Variants in GSTA2 observed in about 807,000 individuals in gnomAD.
GSTA2 encodes glutathione S-transferase A2.
GSTA2 carries 27 observed loss-of-function variants against 22.4 expected under a neutral mutation model. The observed-to-expected ratio is 1.21, with a 90% CI of 0.89 to 1.67. The LOEUF (loss-of-function observed/expected upper bound fraction) is 1.67. GSTA2 is among the 40% of genes most tolerant of loss of function. GSTA2 has a pLI of 0.00. For synonymous variants in GSTA2, 121 were observed against 86.8 expected (o/e 1.39, Z -2.19); for missense variants, 302 against 260.2 (o/e 1.16, Z -1.11).
chr6:52,755,177 A>G, intron 3 of GSTA2, 102 bp from the exon 4 acceptor site: 1 of 1,510,116 alleles, frequency 6.6e-7, no homozygotes, highest in Non-Finnish European at 9.0e-7. Flanking sequence ...GTAAAACGAA[A>G]AAGAAATTAC....
chr6:52,756,422 G>C, intron 2 of GSTA2, 113 bp from the exon 3 acceptor site: 8 of 881,338 alleles, frequency 9.1e-6, no homozygotes, highest in Non-Finnish European at 1.3e-5. Context: ...TTCTGAGTTT[G>C]GCAGGGTACA....
chr6:52,752,518 G>A (rs1020284010), intron 5 of GSTA2, among the ~76,000 whole-genome samples: 1 of 152,158 alleles, frequency 6.6e-6, no homozygotes, highest in Admixed American at 6.5e-5. Flanking sequence ...CCTGTTCAAA[G>A]TCCATGGGGT....
intron 6 of GSTA2, among the ~76,000 whole-genome samples, chr6:52,751,297 C>T (rs1311327132): frequency 7.2e-5 from 11 of 152,290 alleles, no homozygotes; most frequent in Middle Eastern, 3.4e-3. Context: ...AGAAACCACA[C>T]TGAAATAGAG....
intron 3 of GSTA2, among the ~76,000 whole-genome samples, chr6:52,755,844 C>T (rs902439956): frequency 6.6e-6 from 1 of 151,894 alleles, no homozygotes; most frequent in African/African-American, 2.4e-5. Context: ...CAGTGTTACC[C>T]AGTCCCACTC....
intron 3 of GSTA2, among the ~76,000 whole-genome samples, chr6:52,755,824 G>C (rs1264923461): frequency 1.3e-5 from 2 of 151,836 alleles, no homozygotes; most frequent in Non-Finnish European, 2.9e-5. Context: ...CAAAGTCTGC[G>C]ATATTGCTAC....
chr6:52,751,513 C>T, intron 6 of GSTA2, 64 bp downstream of exon 6: 1 of 1,610,808 alleles, frequency 6.2e-7, no homozygotes, highest in Middle Eastern at 1.7e-4. Flanking sequence ...TCCCAGGGCC[C>T]AGATACAAGA....
intron 1 of GSTA2, among the ~76,000 whole-genome samples, chr6:52,759,583 T>G (rs867488497): frequency 1.1e-4 from 13 of 123,276 alleles, no homozygotes; most frequent in African/African-American, 3.3e-4. Context: ...TTTTTTTTTT[T>G]TTTTTTTTTT....
intron 1 of GSTA2, among the ~76,000 whole-genome samples, chr6:52,762,881 C>T (rs1044138778): frequency 7.2e-5 from 11 of 152,172 alleles, no homozygotes; most frequent in African/African-American, 2.7e-4. Flanking sequence ...GTCAGAGCCT[C>T]TTTCTTAGCT....
intron 1 of GSTA2, among the ~76,000 whole-genome samples, chr6:52,759,285 T>C (rs1260398267): frequency 1.3e-5 from 2 of 152,196 alleles, no homozygotes; most frequent in Non-Finnish European, 2.9e-5. Context: ...GCCCTTGCTC[T>C]ATGCCAGGCT....
chr6:52,757,126 A>C (rs1414200460), intron 2 of GSTA2, among the ~76,000 whole-genome samples: 1 of 116,808 alleles, frequency 8.6e-6, no homozygotes. Flanking sequence ...ATAAGTGCTC[A>C]AGTAAATAAT....
chr6:52,750,834 A>G (rs1762723479), intron 6 of GSTA2, 135 bp from the exon 7 acceptor site: 3 of 1,001,296 alleles, frequency 3.0e-6, no homozygotes, highest in Non-Finnish European at 4.4e-6. Context: ...AGGCAGAAAC[A>G]GACACCCAGT....
rs377509381 is a variant in GSTA2, at chr6:52,757,924, G to C, written c.24C>G (p.His8Gln). 3.7e-6 allele frequency: 6 copies of C among 1,613,518 alleles called. No homozygotes were observed. The African/African-American group carries it at 8.0e-5, about 22-fold the overall frequency. MAEKPKL[H>Q]YSNIRGRMES... is the part of the protein sequence containing the mutation. The stretch of plus-strand genomic sequence containing the variant: ...CCATTCTGCCCCGTATATTGGAGTA[G>C]TGGAGCTTGGGCTTCTCTGCCATGG... The change falls in exon 2 of 7, where the codon CAC becomes CAG. Residue 8 changes from histidine to glutamine, a missense_variant. By Grantham distance (24) the His-to-Gln change is conservative (BLOSUM62 0). Coordinates refer to ENST00000493422, the MANE Select transcript of GSTA2 (RefSeq NM_000846.5).
At chr6:52,754,875 C>G (rs1762811088) in intron 4 of GSTA2, 68 bp downstream of exon 4, 1 of 1,604,596 alleles carries the variant, frequency 6.2e-7, no homozygotes, top group Non-Finnish European at 8.5e-7. Flanking sequence ...CATGGTCCCA[C>G]CCACTCAAGG....
At chr6:52,752,029 C>A (rs1035878912) in intron 5 of GSTA2, among the ~76,000 whole-genome samples, 3 of 152,190 alleles carry the variant, frequency 2.0e-5, no homozygotes, top group African/African-American at 4.8e-5. Flanking sequence ...CTGCCCCAGG[C>A]CCTGCAGTGT....
chr6:52,753,337 C>T (rs1206281470), intron 4 of GSTA2, among the ~76,000 whole-genome samples: 1 of 152,136 alleles, frequency 6.6e-6, no homozygotes, highest in Admixed American at 6.6e-5. Context: ...GATGCTGTGC[C>T]AGGATTTATC....
intron 4 of GSTA2, among the ~76,000 whole-genome samples, chr6:52,754,544 C>G (rs141329253): frequency 6.6e-6 from 1 of 152,274 alleles, no homozygotes; most frequent in Non-Finnish European, 1.5e-5. Flanking sequence ...GACTTGGTTT[C>G]TTTGCAGCTT....
At chr6:52,756,950 G>A (rs1762856120) in intron 2 of GSTA2, among the ~76,000 whole-genome samples, 1 of 149,964 alleles carries the variant, frequency 6.7e-6, no homozygotes, top group Admixed American at 6.6e-5. Context: ...TTTCTGATGT[G>A]GTTTTGTGGC....
At chr6:52,759,563 G>GGTT (rs1762913315) in intron 1 of GSTA2, among the ~76,000 whole-genome samples, 1 of 34,164 alleles carries the variant, frequency 2.9e-5, no homozygotes, top group Non-Finnish European at 6.0e-5. Context: ...GTATTTATTT[G>GGTT]TTTTTTTTTT....
chr6:52,754,667 C>A (rs982015995), intron 4 of GSTA2, among the ~76,000 whole-genome samples: 4 of 152,168 alleles, frequency 2.6e-5, no homozygotes, highest in Middle Eastern at 3.2e-3. Context: ...ATTCCCCATC[C>A]TCCTCAGTTC....
Sources: gnomAD v4.1 joint callset for allele counts (sites outside exome capture counted in the v4.1 genomes callset) on GRCh38, gnomAD v4.1.1 for gene constraint, MANE v1.5 for transcripts, NCBI Gene and HGNC (gene_info 2026-07-23, HGNC 2026-07-21) for gene names.